SGCZ: variants seen among roughly 807,000 people sequenced by gnomAD.
SGCZ encodes the protein zeta-sarcoglycan.
A neutral mutation model predicts 41.3 loss-of-function variants in SGCZ; 40 were observed. The ratio of observed to expected loss-of-function variants is 0.97; its 90% CI spans 0.75 to 1.26. The LOEUF is 1.26. Ranked by LOEUF, SGCZ falls within the 50% of genes most tolerant of loss-of-function variation. The probability of loss-of-function intolerance (pLI) is 0.00; values close to 1 mark genes in which losing one functional copy is unlikely to be tolerated. For synonymous variants in SGCZ, 206 were observed against 137.5 expected (o/e 1.50, Z -3.49); for missense variants, 552 against 369.8 (o/e 1.49, Z -4.04).
chr8:14,911,185 G>T (rs997930531), intron 1 of SGCZ, among the ~76,000 whole-genome samples: 1 of 152,052 alleles, frequency 6.6e-6, no homozygotes, highest in Non-Finnish European at 1.5e-5. Context: ...GGCTGTGGCA[G>T]GGCTGTAATT....
At chr8:14,444,800 C>G (rs182354850) in intron 2 of SGCZ, among the ~76,000 whole-genome samples, 1,763 of 152,078 alleles carry the variant, frequency 0.012, 26 homozygotes, top group Non-Finnish European at 0.014. Context: ...TACCCTAAAA[C>G]TTAAAGTATA....
At chr8:14,596,526 TTAATAA>T (rs986695259) in intron 1 of SGCZ, among the ~76,000 whole-genome samples, 1 of 152,184 alleles carries the variant, frequency 6.6e-6, no homozygotes, top group African/African-American at 2.4e-5. Context: ...TAGAAATGTC[TTAATAA>T]TAAAATATTT....
intron 4 of SGCZ, among the ~76,000 whole-genome samples, chr8:14,191,490 T>C (rs776894737): frequency 1.3e-5 from 2 of 152,174 alleles, no homozygotes; most frequent in Non-Finnish European, 2.9e-5. Flanking sequence ...CTTTAATCCA[T>C]TTGGAGTTGA....
chr8:14,247,197 T>C (rs1253780646), intron 3 of SGCZ, among the ~76,000 whole-genome samples: 1 of 152,172 alleles, frequency 6.6e-6, no homozygotes, highest in African/African-American at 2.4e-5. Context: ...GTCACGGTTA[T>C]GAATTAGCTA....
At chr8:14,588,898 T>A (rs187029501) in intron 1 of SGCZ, among the ~76,000 whole-genome samples, 1 of 152,316 alleles carries the variant, frequency 6.6e-6, no homozygotes, top group East Asian at 1.9e-4. Context: ...ATAATTATAA[T>A]CGATACTACC....
At chr8:14,993,624 G>T (rs1334480116) in intron 1 of SGCZ, among the ~76,000 whole-genome samples, 3 of 152,188 alleles carry the variant, frequency 2.0e-5, no homozygotes, top group Non-Finnish European at 4.4e-5. Context: ...CATAATTTGA[G>T]CAAAGACAAG....
At chr8:14,293,708 T>C (rs1335271633) in intron 3 of SGCZ, among the ~76,000 whole-genome samples, 2 of 151,840 alleles carry the variant, frequency 1.3e-5, no homozygotes, top group Non-Finnish European at 2.9e-5. Context: ...TTATGTTAAA[T>C]TACAGGGGAA....
intron 1 of SGCZ, among the ~76,000 whole-genome samples, chr8:14,758,154 A>G (rs910528588): frequency 1.3e-5 from 2 of 152,190 alleles, no homozygotes; most frequent in South Asian, 2.1e-4. Context: ...CCTTATGCAC[A>G]TATTCAAAGA....
At chr8:14,373,337 C>A (rs1803979632) in intron 2 of SGCZ, among the ~76,000 whole-genome samples, 1 of 152,122 alleles carries the variant, frequency 6.6e-6, no homozygotes, top group Non-Finnish European at 1.5e-5. Flanking sequence ...TGGATATGAT[C>A]CCTAAGTGGT....
intron 2 of SGCZ, among the ~76,000 whole-genome samples, chr8:14,380,332 A>G (rs1317717064): frequency 2.0e-5 from 3 of 152,174 alleles, no homozygotes; most frequent in Non-Finnish European, 2.9e-5. Context: ...TCTTCAATCA[A>G]TATTAGATAA....
intron 1 of SGCZ, among the ~76,000 whole-genome samples, chr8:15,178,815 C>G (rs537864530): frequency 1.3e-5 from 2 of 152,070 alleles, no homozygotes; most frequent in African/African-American, 2.4e-5. Context: ...AAAAACTAGA[C>G]GAAGGCAAAC....
chr8:14,115,403 G>C (rs1247817095), intron 5 of SGCZ, among the ~76,000 whole-genome samples: 1 of 151,902 alleles, frequency 6.6e-6, no homozygotes, highest in Non-Finnish European at 1.5e-5. Flanking sequence ...TAACCTATTT[G>C]ATAGCACATG....
intron 4 of SGCZ, among the ~76,000 whole-genome samples, chr8:14,180,108 A>G (rs886595205): frequency 3.3e-5 from 5 of 152,156 alleles, no homozygotes; most frequent in Admixed American, 2.6e-4. Flanking sequence ...GAATCCCACC[A>G]TACAGTCTTA....
Position 14,373,013 on chromosome 8 carries a change from A to T in SGCZ, c.235-48809T>A, listed in dbSNP as rs554352390. On this transcript the variant is annotated intron_variant, in intron 2 of 7. Coordinates refer to ENST00000382080, the MANE Select transcript of SGCZ (RefSeq NM_139167.4). The stretch of plus-strand genomic sequence containing the variant: ...AGTAGTCACTGCTACTGACCCAAGT[A>T]TTGATAATAACCTGCTTTAGATTGC... Among the ~76,000 whole-genome samples the T allele has an allele frequency of 2.0e-5, 3 of 152,328 alleles. No individual in the cohort carries two copies. The South Asian group carries it at 6.2e-4, about 32-fold the overall frequency.
At chr8:14,675,636 A>G (rs568120895) in intron 1 of SGCZ, among the ~76,000 whole-genome samples, 1 of 152,276 alleles carries the variant, frequency 6.6e-6, no homozygotes. Context: ...AGGTGCTGGA[A>G]AAAATGTGAT....
chr8:14,614,372 C>T (rs1806026107), intron 1 of SGCZ, among the ~76,000 whole-genome samples: 1 of 152,000 alleles, frequency 6.6e-6, no homozygotes, highest in Non-Finnish European at 1.5e-5. Flanking sequence ...CACATCTCAC[C>T]CTCCCAATAC....
intron 1 of SGCZ, among the ~76,000 whole-genome samples, chr8:14,617,125 G>T (rs918290028): frequency 6.6e-6 from 1 of 152,100 alleles, no homozygotes; most frequent in Non-Finnish European, 1.5e-5. Context: ...GAGAAAGAAA[G>T]AATCAGTTTA....
At position 14,414,192 on chromosome 8, in the gene SGCZ, G is replaced by GAA. The variant is rs767761387; in HGVS notation, c.235-89989_235-89988insTT. 8.6e-5 allele frequency among the ~76,000 whole-genome samples: 13 copies of GAA among 150,954 alleles called. No homozygotes were observed. The East Asian group carries it at 1.9e-3, about 23-fold the overall frequency. ...CACAGAAATGAACGCACACACTCGCGCACACACACACACATACAGACACGC... is the reference window on the plus strand; with the variant it reads ...CACAGAAATGAACGCACACACTCGCGAACACACACACACACATACAGACACGC... On this transcript the variant is annotated intron_variant, in intron 2 of 7. Transcript: ENST00000382080.
intron 2 of SGCZ, among the ~76,000 whole-genome samples, chr8:14,498,504 A>G (rs1802057891): frequency 6.6e-6 from 1 of 152,140 alleles, no homozygotes; most frequent in Non-Finnish European, 1.5e-5. Flanking sequence ...ATCATAAAAA[A>G]TAATTTTAGA....
Sources: allele counts gnomAD v4.1 joint callset (sites outside exome capture counted in the v4.1 genomes callset), GRCh38; gene constraint gnomAD v4.1.1; transcripts MANE v1.5; gene names NCBI Gene and HGNC (gene_info 2026-07-23, HGNC 2026-07-21).